The following PTPRD variants were observed in gnomAD, a reference collection of about 807,000 sequenced individuals.
The protein encoded by PTPRD is receptor-type tyrosine-protein phosphatase delta.
A neutral mutation model predicts 214.5 loss-of-function variants in PTPRD; 34 were observed. The ratio of observed to expected loss-of-function variants is 0.16; its 90% CI spans 0.12 to 0.21. The LOEUF (loss-of-function observed/expected upper bound fraction) is 0.21, where lower values mean the gene tolerates loss of function less well. Among genes scored for constraint, PTPRD ranks in the 10% least tolerant of loss-of-function variants. PTPRD has a pLI of 1.00. For synonymous variants in PTPRD, 1,128 were observed against 845.7 expected (o/e 1.33, Z -5.79); for missense variants, 2,545 against 2,398.7 (o/e 1.06, Z -1.27).
At position 8,633,392 on chromosome 9, in the gene PTPRD, C is replaced by T. The variant is rs749851220; in HGVS notation, c.277G>A (p.Glu93Lys). 2 of 1,612,914 alleles carry T rather than the reference C, an allele frequency of 1.2e-6. No individual in the cohort carries two copies. ...GAGGCCACACATTCATAAATGGCCT[C>T]ATCCCTCGGAGTCCGTAAGGGTTGT... ...RIQPLRTPRD[E>K]AIYECVASNN... Residue 93 changes from glutamate (E) to lysine (K), a missense_variant, in exon 14 of 46, where the codon GAG becomes AAG. Physicochemically the swap from Glu to Lys is moderately conservative, Grantham distance 56. Coordinates refer to ENST00000381196, the MANE Select transcript of PTPRD (RefSeq NM_002839.4).
intron 11 of PTPRD, among the ~76,000 whole-genome samples, chr9:8,852,358 G>A (rs1184529488): frequency 1.3e-5 from 2 of 152,194 alleles, no homozygotes; most frequent in African/African-American, 4.8e-5. Context: ...TGTGGCAAAG[G>A]TCACTATGCT....
intron 6 of PTPRD, among the ~76,000 whole-genome samples, chr9:9,745,024 G>C (rs1355830861): frequency 2.0e-5 from 3 of 151,976 alleles, no homozygotes; most frequent in Non-Finnish European, 4.4e-5. Context: ...GAGCAAATAA[G>C]TGATTTCGAT....
chr9:10,108,559 T>C (rs1385819232), intron 3 of PTPRD, among the ~76,000 whole-genome samples: 1 of 151,320 alleles, frequency 6.6e-6, no homozygotes, highest in Admixed American at 6.7e-5. Flanking sequence ...ATAAATGAGC[T>C]TCTCAAAAAA....
intron 12 of PTPRD, among the ~76,000 whole-genome samples, chr9:8,684,745 T>A (rs2097643758): frequency 6.6e-6 from 1 of 152,206 alleles, no homozygotes; most frequent in Admixed American, 6.5e-5. Flanking sequence ...TAAGGGTGCC[T>A]GCTGTGTTTT....
At chr9:9,799,358 A>C (rs888521683) in intron 5 of PTPRD, 1 of 152,202 alleles carries the variant, frequency 6.6e-6, no homozygotes, top group African/African-American at 2.4e-5. Flanking sequence ...CTGGAATTTG[A>C]AAGTCTTCAG....
intron 11 of PTPRD, among the ~76,000 whole-genome samples, chr9:8,914,781 A>C (rs1035226723): frequency 1.3e-5 from 2 of 152,192 alleles, no homozygotes; most frequent in Non-Finnish European, 2.9e-5. Context: ...AGATTTATTC[A>C]GGAGAGACAC....
At chr9:8,832,931 T>C (rs2097328801) in intron 11 of PTPRD, among the ~76,000 whole-genome samples, 1 of 152,084 alleles carries the variant, frequency 6.6e-6, no homozygotes, top group Non-Finnish European at 1.5e-5. Context: ...GTTAGTTGTC[T>C]CATAAATTTA....
chr9:9,572,571 A>ATATATATATGTGTATATATATG (rs2086820168), intron 8 of PTPRD, among the ~76,000 whole-genome samples: 1 of 145,798 alleles, frequency 6.9e-6, no homozygotes, highest in African/African-American at 2.5e-5. Context: ...GTATATATAT[A>ATATATATATGTGTATATATATG]TATATATATG....
At chr9:10,509,173 A>G (rs1030018954) in intron 2 of PTPRD, among the ~76,000 whole-genome samples, 1 of 152,082 alleles carries the variant, frequency 6.6e-6, no homozygotes, top group Non-Finnish European at 1.5e-5. Flanking sequence ...ATGAAGATCC[A>G]TAGGAGGAAT....
intron 12 of PTPRD, among the ~76,000 whole-genome samples, chr9:8,676,373 T>C (rs1445253033): frequency 1.3e-5 from 2 of 150,222 alleles, no homozygotes; most frequent in East Asian, 3.9e-4. Flanking sequence ...CATTAGCTCA[T>C]TTTCATTTTT....
At chr9:8,936,369 G>A (rs2098997001) in intron 11 of PTPRD, among the ~76,000 whole-genome samples, 1 of 125,436 alleles carries the variant, frequency 8.0e-6, no homozygotes, top group African/African-American at 3.0e-5. Flanking sequence ...GGTTGCGGCA[G>A]TGAGCCTAGA....
intron 3 of PTPRD, among the ~76,000 whole-genome samples, chr9:10,208,495 CAG>C (rs568761161): frequency 1.9e-4 from 29 of 152,332 alleles, no homozygotes; most frequent in African/African-American, 5.5e-4. Context: ...GCCTGGGCGA[CAG>C]AGCGAGACTG....
At chr9:9,841,724 C>T (rs1004830924) in intron 5 of PTPRD, among the ~76,000 whole-genome samples, 29 of 152,000 alleles carry the variant, frequency 1.9e-4, no homozygotes, top group African/African-American at 6.3e-4. Context: ...CTGAATCTTA[C>T]CTTGTATTTT....
chr9:9,177,129 A>T (rs2099925380), intron 10 of PTPRD, among the ~76,000 whole-genome samples: 1 of 152,114 alleles, frequency 6.6e-6, no homozygotes. Context: ...GGAAACTTAC[A>T]ATCATGGTGG....
At chr9:8,790,972 T>A (rs1453115705) in intron 11 of PTPRD, among the ~76,000 whole-genome samples, 1 of 152,170 alleles carries the variant, frequency 6.6e-6, no homozygotes, top group African/African-American at 2.4e-5. Context: ...ACGCTTTTGT[T>A]ATTGAGGAAA....
At chr9:10,194,379 G>T (rs1411847206) in intron 3 of PTPRD, among the ~76,000 whole-genome samples, 36 of 86,702 alleles carry the variant, frequency 4.2e-4, no homozygotes, top group African/African-American at 9.0e-4. Context: ...GAGAGAGAGA[G>T]AGAGAGAGAG....
Position 8,315,576 on chromosome 9 carries a change from G to A in PTPRD, c.*2298C>T. ...ATAGTGCACATTCTTCTCTGGTTCT[G>A]ATGTAGGTTAGAGAGTCTCATTCTG... On this transcript the variant is annotated 3_prime_UTR_variant, in exon 46 of 46. Coordinates refer to ENST00000381196, the MANE Select transcript of PTPRD (RefSeq NM_002839.4). The A allele has an allele frequency of 4.3e-6, 1 of 230,742 alleles. No homozygotes were observed. The highest frequency in any genetic ancestry group is 8.6e-6 in the Non-Finnish European group (1 of 116,212). The allele number at this position is 230,742 out of a possible 1,614,324, so 14.3% of individuals were successfully genotyped here.
intron 9 of PTPRD, among the ~76,000 whole-genome samples, chr9:9,294,474 G>T (rs926412077): frequency 6.6e-6 from 1 of 151,602 alleles, no homozygotes; most frequent in Admixed American, 6.6e-5. Context: ...ACCCTGTAGG[G>T]ATGTATTTGG....
intron 9 of PTPRD, among the ~76,000 whole-genome samples, chr9:9,221,561 A>G (rs1320551565): frequency 1.3e-5 from 2 of 152,022 alleles, no homozygotes; most frequent in East Asian, 3.9e-4. Context: ...CGCAGACAGT[A>G]TCCTCTCCTT....
Sources: gnomAD v4.1 joint callset for allele counts (sites outside exome capture counted in the v4.1 genomes callset) on GRCh38, gnomAD v4.1.1 for gene constraint, MANE v1.5 for transcripts, NCBI Gene and HGNC (gene_info 2026-07-23, HGNC 2026-07-21) for gene names.